SEMA4C: variants seen among roughly 807,000 people sequenced by gnomAD.
SEMA4C encodes the protein semaphorin-4C.
A neutral mutation model predicts 89.0 loss-of-function variants in SEMA4C; 19 were observed. The ratio of observed to expected loss-of-function variants is 0.21; its 90% CI spans 0.15 to 0.31. The LOEUF is 0.31. Ranked by LOEUF, SEMA4C falls within the 10% of genes least tolerant of loss-of-function variation. SEMA4C has a pLI of 1.00. For missense variants in SEMA4C, 811 were observed against 1,107.0 expected (o/e 0.73, Z 3.79); for synonymous variants, 428 against 472.7 (o/e 0.91, Z 1.23).
chr2:96,865,958 C>T (rs1378974357), intron 3 of SEMA4C, 29 bp from the exon 4 acceptor site: 7 of 1,610,250 alleles, frequency 4.3e-6, no homozygotes, highest in Admixed American at 3.3e-5. Context: ...ATGTCAGCCA[C>T]GTTACAGGTA....
At chr2:96,869,653 G>A (rs2080163862) in intron 1 of SEMA4C, 1 of 984,970 alleles carries the variant, frequency 1.0e-6, no homozygotes, top group African/African-American at 1.7e-5. Flanking sequence ...CGGCCCCGGG[G>A]CTGCGGGGCT....
At position 96,865,057 on chromosome 2, in the gene SEMA4C, G is replaced by A. The variant is rs762961578; in HGVS notation, c.693C>T (p.Asp231=). ...TGAAGAAGAAGTAGACCTTGTCGTCGTCCCCCGTGAAGCTGCCCACACTCT... is the reference window on the plus strand; with the variant it reads ...TGAAGAAGAAGTAGACCTTGTCGTCATCCCCCGTGAAGCTGCCCACACTCT... ...VPESVGSFTG[D]DDKVYFFFRE... Residue 231 remains aspartate, a synonymous_variant, in exon 8 of 15, where the codon GAC becomes GAT. Coordinates refer to ENST00000305476, the MANE Select transcript of SEMA4C (RefSeq NM_017789.5). 9.6e-6 allele frequency: 15 copies of A among 1,557,254 alleles called. No homozygotes were observed. Among genetic ancestry groups the A allele is most frequent in the Non-Finnish European group, 1.2e-5 (14 of 1,150,230 alleles).
chr2:96,866,342 C>A lies in SEMA4C; in HGVS notation c.199G>T (p.Val67Leu). 1 of 1,613,836 alleles carries A rather than the reference C, an allele frequency of 6.2e-7. No homozygotes were observed. The highest frequency in any genetic ancestry group is 8.5e-7 in the Non-Finnish European group (1 of 1,179,950). ...GCAAACAGGGCCTCTCGGGCGCCCA[C>A]GTACAGAAGCCCAGTGGGCTCCGTC... is the stretch of plus-strand genomic sequence containing the variant. ...TLTEPTGLLY[V>L]GAREALFAFS... is the part of the protein sequence containing the mutation. The change falls in exon 3 of 15, where the codon GTG becomes TTG. Residue 67 changes from valine to leucine, a missense_variant. Val to Leu is a conservative substitution (Grantham distance 32). Transcript: ENST00000305476.
rs749328718 is a variant in SEMA4C at position 96,860,686 on chromosome 2, T to C, written c.2442A>G (p.Arg814=). The change falls in exon 15 of 15, where the codon AGA becomes AGG. Residue 814 remains arginine, a synonymous_variant. Coordinates refer to ENST00000305476, the MANE Select transcript of SEMA4C (RefSeq NM_017789.5). ...HPLPELADEL[R]RKLQQRQPLP... ...GTGGCTGGCGTTGCTGCAGTTTGCG[T>C]CTCAGTTCATCCGCGAGCTCAGGCA... 2.5e-6 allele frequency: 4 copies of C among 1,613,392 alleles called. No homozygotes were observed. Among genetic ancestry groups the C allele is most frequent in the Admixed American group, 1.7e-5 (1 of 60,002 alleles).
At chr2:96,870,786 C>T, upstream of SEMA4C, 1 of 982,298 alleles carries the variant, frequency 1.0e-6, no homozygotes, top group Non-Finnish European at 1.2e-6. Context: ...CTGTGGGGAG[C>T]CACGCTGCAG....
At chr2:96,868,520 G>GC in intron 1 of SEMA4C, 1 of 986,748 alleles carries the variant, frequency 1.0e-6, no homozygotes, top group Non-Finnish European at 1.2e-6. Flanking sequence ...CATCAGCAGG[G>GC]CAGGAGTGTG....
chr2:96,868,753 G>A lies in SEMA4C; in HGVS notation c.-37-830C>T, dbSNP rs551737889. 3.1e-3 allele frequency: 3,055 copies of A among 985,010 alleles called. 4 individuals carry two copies. The highest frequency in any genetic ancestry group is 0.015 in the Middle Eastern group (29 of 1,912). 61.0% of individuals were successfully genotyped at this position (985,010 alleles called of 1,614,324 possible). The stretch of plus-strand genomic sequence containing the variant: ...CGCGCGCAGGCGACGGGGGGAGGTA[G>A]GGGCGGGGACGCGAGGGGGTTCCTC... On this transcript the variant is annotated intron_variant, in intron 1 of 14. Transcript: ENST00000305476.
At chr2:96,867,589 T>G (rs1037146441) in intron 2 of SEMA4C, among the ~76,000 whole-genome samples, 189 bp downstream of exon 2, 1 of 152,156 alleles carries the variant, frequency 6.6e-6, no homozygotes, top group Non-Finnish European at 1.5e-5. Flanking sequence ...GCAGGCAGTC[T>G]GGGGTGGGGA....
Position 96,864,559 on chromosome 2 carries a change from AG to A in SEMA4C, c.962+145del. ...CTGCCCCTTCACAGGCAGCTCTGAAAGGGGCAGGTGCCAGCATTCTCCTTGG... is the reference window on the plus strand; with the variant it reads ...CTGCCCCTTCACAGGCAGCTCTGAAAGGGCAGGTGCCAGCATTCTCCTTGG... On this transcript the variant is annotated intron_variant, in intron 9 of 14. Coordinates refer to ENST00000305476, the MANE Select transcript of SEMA4C (RefSeq NM_017789.5). This position sits in a 1 kb window ranked among gnomAD's most constrained non-coding sequence, Gnocchi z 6.3. The A allele has an allele frequency of 3.0e-6, 4 of 1,340,912 alleles. No homozygotes were observed. The highest frequency in any genetic ancestry group is 4.1e-6 in the Non-Finnish European group (4 of 979,462). The allele number at this position is 1,340,912 out of a possible 1,614,324, so 83.1% of individuals were successfully genotyped here. A position where few individuals can be genotyped will look rare whatever the true frequency, so the allele number is the denominator to read the frequency against.
In SEMA4C at chr2:96,864,736, T is replaced by C; in HGVS notation, c.931A>G (p.Thr311Ala). Residue 311 changes from threonine (T) to alanine (A), a missense_variant, in exon 9 of 15, where the codon ACC (threonine) becomes GCC (alanine). Transcript: ENST00000305476. The surrounding 1 kb of genome is among the most constrained non-coding windows in gnomAD (Gnocchi z 6.3). Reference sequence around the variant, plus strand: ...GCTTGAAAAACCCCAAAGAAGGTGGTGTTGTGCCAGGAGGTGTCCTGCAGG... The same window carrying C: ...GCTTGAAAAACCCCAAAGAAGGTGGCGTTGTGCCAGGAGGTGTCCTGCAGG... The part of the protein sequence containing the change: ...HTLQDTSWHN[T>A]TFFGVFQAQW... The C allele has an allele frequency of 1.2e-6, 2 of 1,612,184 alleles. No homozygotes were observed. The highest frequency in any genetic ancestry group is 1.7e-6 in the Non-Finnish European group (2 of 1,178,742).
intron 1 of SEMA4C, chr2:96,868,822 G>A (rs2080142501): frequency 1.0e-5 from 10 of 985,338 alleles, no homozygotes; most frequent in Admixed American, 6.1e-5. Context: ...CACCCGCTGC[G>A]CTCCCGCGAC....
At chr2:96,870,195 C>T (rs960918209), upstream of SEMA4C, 36 of 984,754 alleles carry the variant, frequency 3.7e-5, no homozygotes, top group East Asian at 2.8e-3. Context: ...CCCGCAGCGA[C>T]CTGTGGACCC....
chr2:96,869,153 C>G (rs961461525), intron 1 of SEMA4C: 10 of 985,306 alleles, frequency 1.0e-5, no homozygotes, highest in South Asian at 4.7e-5. Flanking sequence ...GACCAGCCCC[C>G]CAAAACGCCC....
intron 3 of SEMA4C, 83 bp downstream of exon 3, chr2:96,866,200 T>C (rs1476888189): frequency 1.3e-6 from 2 of 1,516,026 alleles, no homozygotes; most frequent in African/African-American, 2.8e-5. Context: ...GCAGCCAGGC[T>C]GAGGGACCAC....
Position 96,865,660 on chromosome 2 carries a change from A to C in SEMA4C, c.420+6T>G. 54 of 1,613,654 alleles carry C rather than the reference A, an allele frequency of 3.3e-5. No individual in the cohort carries two copies. Among genetic ancestry groups the C allele is most frequent in the Non-Finnish European group, 4.6e-5 (54 of 1,179,622 alleles). On this transcript the variant is annotated splice_donor_region_variant and intron_variant, in intron 5 of 14. Coordinates refer to ENST00000305476, the MANE Select transcript of SEMA4C (RefSeq NM_017789.5). ...GGGGACACCGAGGTAGGAGGGCAGCACTCACGACGTAGGTGCACTTGGGCT... is the reference window on the plus strand; with the variant it reads ...GGGGACACCGAGGTAGGAGGGCAGCCCTCACGACGTAGGTGCACTTGGGCT...
At chr2:96,867,703 T>C in intron 2 of SEMA4C, 75 bp downstream of exon 2, 5 of 1,414,806 alleles carry the variant, frequency 3.5e-6, no homozygotes, top group Non-Finnish European at 4.9e-6. Flanking sequence ...CACGTGAGAA[T>C]AAAGCCAGCA....
rs1259950988 is a variant in SEMA4C, at chr2:96,861,431, G to A, written c.1697C>T (p.Thr566Met). The change falls in exon 15 of 15, where the codon ACG becomes ATG. Residue 566 changes from threonine (T) to methionine (M), a missense_variant. By Grantham distance (81) the Thr-to-Met change is moderately conservative. Transcript: ENST00000305476. This position sits in a 1 kb window ranked among gnomAD's most constrained non-coding sequence, Gnocchi z 7.8. ...CACCAGGTCTGTGCCCGCCACCACC[G>A]TGATGTTTTTGGGAGTGGGCCTGAC... ...KKVRPTPKNITVVAGTDLVLP... is the reference protein window; with the variant it reads ...KKVRPTPKNIMVVAGTDLVLP... The A allele has an allele frequency of 3.7e-6, 6 of 1,612,522 alleles. No individual in the cohort carries two copies. The highest frequency in any genetic ancestry group is 2.2e-5 in the East Asian group (1 of 44,884).
rs2079956787 is a variant in SEMA4C, at chr2:96,861,963, G to A, written c.1444-69C>T. The A allele has an allele frequency of 6.6e-7, 1 of 1,514,548 alleles. No individual in the cohort carries two copies. The highest frequency in any genetic ancestry group is 1.4e-5 in the African/African-American group (1 of 72,986). 93.8% of individuals were successfully genotyped at this position (1,514,548 alleles called of 1,614,324 possible). On this transcript the variant is annotated intron_variant, in intron 12 of 14. Coordinates refer to ENST00000305476, the MANE Select transcript of SEMA4C (RefSeq NM_017789.5). The surrounding 1 kb of genome is among the most constrained non-coding windows in gnomAD (Gnocchi z 7.8). ...CACCACGGGAGGGGCGGCCGGACCA[G>A]AACGCAGCATGGGGACAGCTTGGAC... is the stretch of plus-strand genomic sequence containing the variant.
rs2079914503 is a variant in SEMA4C, at chr2:96,860,449, A to G, written c.*177T>C. 2 of 554,900 alleles carry G rather than the reference A, an allele frequency of 3.6e-6. No individual in the cohort carries two copies. Among genetic ancestry groups the G allele is most frequent in the Admixed American group, 3.6e-5 (1 of 27,844 alleles). The allele number at this position is 554,900 out of a possible 1,614,324, so 34.4% of individuals were successfully genotyped here. On this transcript the variant is annotated 3_prime_UTR_variant, in exon 15 of 15. Coordinates refer to ENST00000305476, the MANE Select transcript of SEMA4C (RefSeq NM_017789.5). ...TGCGAGGCTGGTGCCCTGGTGAGCC[A>G]CACCAAGTGGCAGTGCCCGTGCTGA...
Sources: allele counts gnomAD v4.1 joint callset (sites outside exome capture counted in the v4.1 genomes callset), GRCh38; gene constraint gnomAD v4.1.1; non-coding constraint Gnocchi (gnomAD v3.1); transcripts MANE v1.5; gene names NCBI Gene and HGNC (gene_info 2026-07-23, HGNC 2026-07-21).